Variants in PGBD2 observed in about 807,000 individuals in gnomAD.
PGBD2 encodes piggyBac transposable element derived 2.
PGBD2 carries 6 observed loss-of-function variants against 8.1 expected under a neutral mutation model. The observed-to-expected ratio is 0.74, with a 90% confidence interval of 0.40 to 1.46. The LOEUF is 1.46. PGBD2 is among the 40% of genes most tolerant of loss of function. The pLI is 0.02. For synonymous variants in PGBD2, 318 were observed against 272.2 expected (o/e 1.17, Z -1.66); for missense variants, 802 against 739.0 (o/e 1.09, Z -0.99).
the PGBD2 span, among the ~76,000 whole-genome samples, chr1:248,874,909 GA>G: frequency 6.5e-4 from 45 of 69,308 alleles, no homozygotes; most frequent in Non-Finnish European, 1.1e-3. Flanking sequence ...GATAGAGATA[GA>G]TAGATAGATA....
the PGBD2 span, among the ~76,000 whole-genome samples, chr1:248,873,546 C>T: frequency 6.6e-6 from 1 of 152,224 alleles, no homozygotes; most frequent in South Asian, 2.1e-4. Context: ...CAGCTTGGGC[C>T]GGAAGGTGAG....
At chr1:248,889,579 A>C in the PGBD2 span, among the ~76,000 whole-genome samples, 3 of 152,154 alleles carry the variant, frequency 2.0e-5, no homozygotes, top group Non-Finnish European at 4.4e-5. Flanking sequence ...CAAGGAAATC[A>C]CTTATCTTCT....
intron 2 of PGBD2, among the ~76,000 whole-genome samples, chr1:248,914,732 A>G (rs1302682274): frequency 1.3e-5 from 2 of 152,096 alleles, no homozygotes; most frequent in African/African-American, 4.8e-5. Context: ...TACAGCCTAG[A>G]TATGATTCCT....
chr1:248,894,676 T>C, the PGBD2 span, among the ~76,000 whole-genome samples: 3 of 136,348 alleles, frequency 2.2e-5, no homozygotes, highest in African/African-American at 1.1e-4. Flanking sequence ...CTTTTTCCCT[T>C]TCTTCCCTCC....
chr1:248,901,405 G>A (rs949061264), upstream of PGBD2, among the ~76,000 whole-genome samples: 1 of 152,052 alleles, frequency 6.6e-6, no homozygotes, highest in Non-Finnish European at 1.5e-5. Flanking sequence ...ATAGATCAAT[G>A]GAACAGACTA....
chr1:248,899,331 T>C, the PGBD2 span, among the ~76,000 whole-genome samples: 1 of 152,106 alleles, frequency 6.6e-6, no homozygotes, highest in Non-Finnish European at 1.5e-5. Flanking sequence ...GAACTTACTA[T>C]AGTTGAACAT....
At chr1:248,882,049 T>C in the PGBD2 span, among the ~76,000 whole-genome samples, 2 of 152,138 alleles carry the variant, frequency 1.3e-5, no homozygotes, top group Non-Finnish European at 2.9e-5. Flanking sequence ...TGTATGAATG[T>C]TTATTGTGGG....
At chr1:248,928,972 C>G in the PGBD2 span, among the ~76,000 whole-genome samples, 2 of 152,228 alleles carry the variant, frequency 1.3e-5, no homozygotes, top group East Asian at 1.9e-4. Context: ...TCTAGACCAT[C>G]AGTTCTAACC....
At chr1:248,914,418 C>T (rs1463588582) in intron 2 of PGBD2, 4 of 1,247,278 alleles carry the variant, frequency 3.2e-6, no homozygotes, top group African/African-American at 3.1e-5. Context: ...TTAAGCCGGT[C>T]TCTTTTTCTG....
upstream of PGBD2, among the ~76,000 whole-genome samples, chr1:248,904,493 T>C (rs7521920): frequency 0.012 from 1,805 of 152,310 alleles, 42 homozygotes; most frequent in African/African-American, 0.042. Context: ...AGTATCCAAA[T>C]TGCAGTGAGA....
the PGBD2 span, among the ~76,000 whole-genome samples, chr1:248,927,026 CA>C: frequency 6.6e-6 from 1 of 152,024 alleles, no homozygotes; most frequent in East Asian, 1.9e-4. Flanking sequence ...TGCAGTGACT[CA>C]TGCAAGCTTA....
In PGBD2 at chr1:248,916,716, T is replaced by C. The variant is rs778839995; in HGVS notation, c.132T>C (p.Ile44=). 8.1e-6 allele frequency: 13 copies of C among 1,613,992 alleles called. No individual in the cohort carries two copies. In the Admixed American group the frequency reaches 2.0e-4, roughly 25 times the overall value. ...ACAACAACAGGGAAGAGATTTTCAT[T>C]GCACCTCCCGACAATGCTGCGGGGG... ...ESNNNREEIF[I]APPDNAAGEF... is the part of the protein sequence containing the mutation. The change falls in exon 3 of 3, where the codon ATT becomes ATC. Residue 44 remains isoleucine, a synonymous_variant. Transcript: ENST00000329291.
chr1:248,905,371 G>A (rs553317777), upstream of PGBD2, among the ~76,000 whole-genome samples: 2 of 152,258 alleles, frequency 1.3e-5, no homozygotes, highest in African/African-American at 2.4e-5. Flanking sequence ...AGTTTTCTGC[G>A]GAGTACACTG....
the PGBD2 span, among the ~76,000 whole-genome samples, chr1:248,887,220 C>T: frequency 6.6e-6 from 1 of 152,196 alleles, no homozygotes; most frequent in African/African-American, 2.4e-5. Context: ...ACGCAATTGA[C>T]TAAAATACAG....
the PGBD2 span, among the ~76,000 whole-genome samples, chr1:248,900,133 A>G: frequency 6.7e-6 from 1 of 150,310 alleles, no homozygotes; most frequent in Non-Finnish European, 1.5e-5. Flanking sequence ...GATCAGAAGG[A>G]TTATAGCTTA....
At chr1:248,874,448 A>C in the PGBD2 span, among the ~76,000 whole-genome samples, 1 of 152,330 alleles carries the variant, frequency 6.6e-6, no homozygotes, top group South Asian at 2.1e-4. Flanking sequence ...TAGTTACCTG[A>C]AATGGACTCT....
chr1:248,912,735 G>C (rs1661944596), intron 1 of PGBD2: 1 of 151,746 alleles, frequency 6.6e-6, no homozygotes, highest in African/African-American at 2.4e-5. Context: ...TTTGTGGACA[G>C]GCTATGCTAA....
the PGBD2 span, among the ~76,000 whole-genome samples, chr1:248,928,753 T>A: frequency 6.6e-6 from 1 of 152,192 alleles, no homozygotes; most frequent in African/African-American, 2.4e-5. Flanking sequence ...CTCCAACTCA[T>A]TTTTTCTCAA....
chr1:248,889,388 A>G, the PGBD2 span, among the ~76,000 whole-genome samples: 482 of 151,688 alleles, frequency 3.2e-3, 2 homozygotes, highest in Non-Finnish European at 3.8e-3. Flanking sequence ...TCTCCGTCTC[A>G]AAAAGAAAAT....
Sources: allele counts gnomAD v4.1 joint callset (sites outside exome capture counted in the v4.1 genomes callset), GRCh38; gene constraint gnomAD v4.1.1; transcripts MANE v1.5; gene names NCBI Gene and HGNC (gene_info 2026-07-23, HGNC 2026-07-21).